CORO2B: variants seen among roughly 807,000 people sequenced by gnomAD.
CORO2B encodes the protein coronin 2B, also known as coronin-2B.
Under a neutral mutation model 58.8 loss-of-function variants are expected in CORO2B, and 26 were observed. The ratio of observed to expected loss-of-function variants is 0.44; its 90% CI spans 0.32 to 0.61. The LOEUF (loss-of-function observed/expected upper bound fraction) is 0.61. CORO2B is among the 20% of genes least tolerant of loss of function. CORO2B has a pLI of 0.04. For missense variants in CORO2B, 460 were observed against 645.1 expected, an observed-to-expected ratio of 0.71 and a Z score of 3.11; for synonymous variants, 242 against 253.8, an observed-to-expected ratio of 0.95 and a Z score of 0.44.
At chr15:68,568,852 A>G in the CORO2B span, among the ~76,000 whole-genome samples, 2 of 152,196 alleles carry the variant, frequency 1.3e-5, no homozygotes, top group Admixed American at 1.3e-4. Context: ...GGAGAGCATC[A>G]GGAAGACTAG....
chr15:68,712,635 T>G lies in CORO2B; in HGVS notation c.648+929T>G, dbSNP rs536840980. ...CACTACAAATAAGAATAATGAGAGT[T>G]GCTTAGCATGATTAGTGTTAACTGA... On this transcript the variant is annotated intron_variant, in intron 5 of 11. Transcript: ENST00000261861. Among the ~76,000 whole-genome samples, 12 of 152,280 alleles carry G rather than the reference T, an allele frequency of 7.9e-5. No homozygotes were observed. The South Asian group carries it at 2.5e-3, about 32-fold the overall frequency.
intron 1 of CORO2B, among the ~76,000 whole-genome samples, chr15:68,599,539 A>G (rs942859320): frequency 6.6e-6 from 1 of 151,874 alleles, no homozygotes; most frequent in African/African-American, 2.4e-5. Flanking sequence ...AAGCCACCCA[A>G]CTCTGTCCCC....
chr15:68,631,709 C>T (rs1305686232), intron 1 of CORO2B, among the ~76,000 whole-genome samples: 1 of 152,172 alleles, frequency 6.6e-6, no homozygotes, highest in Admixed American at 6.5e-5. Flanking sequence ...GGCAGGGTGG[C>T]AGCCAGGAAA....
chr15:68,627,480 A>G lies in CORO2B; in HGVS notation c.16-17680A>G, dbSNP rs183104703. 2.5e-3 allele frequency among the ~76,000 whole-genome samples: 376 copies of G among 152,270 alleles called. 5 individuals carry two copies. Among genetic ancestry groups the G allele is most frequent in the African/African-American group, 8.4e-3 (348 of 41,568 alleles). On this transcript the variant is annotated intron_variant, in intron 1 of 11. Transcript: ENST00000261861. Reference sequence around the variant, plus strand: ...AGAGATGAGTAAAATTCCAGGATGCAGAGAGAAGAGGGCGGGCATCTCTTT... The same window carrying G: ...AGAGATGAGTAAAATTCCAGGATGCGGAGAGAAGAGGGCGGGCATCTCTTT...
intron 1 of CORO2B, among the ~76,000 whole-genome samples, chr15:68,630,336 G>A (rs1376143307): frequency 2.0e-5 from 3 of 152,066 alleles, no homozygotes; most frequent in East Asian, 1.9e-4. Flanking sequence ...CAACTTTTCC[G>A]GCAACTGCAT....
intron 2 of CORO2B, among the ~76,000 whole-genome samples, chr15:68,660,610 A>G (rs1047049027): frequency 6.6e-6 from 1 of 152,092 alleles, no homozygotes; most frequent in African/African-American, 2.4e-5. Context: ...GGCTCAAGCA[A>G]TCCACCCATC....
chr15:68,627,149 T>A (rs1900705378), intron 1 of CORO2B, among the ~76,000 whole-genome samples: 1 of 152,256 alleles, frequency 6.6e-6, no homozygotes, highest in African/African-American at 2.4e-5. Context: ...TCCTATAAGC[T>A]GCTTCTAAAC....
At chr15:68,611,083 G>A (rs1003335004) in intron 1 of CORO2B, among the ~76,000 whole-genome samples, 1 of 152,056 alleles carries the variant, frequency 6.6e-6, no homozygotes, top group African/African-American at 2.4e-5. Flanking sequence ...GAGAAAATGC[G>A]CCCCACCACT....
At chr15:68,650,215 A>G (rs2140277097) in intron 2 of CORO2B, among the ~76,000 whole-genome samples, 1 of 152,192 alleles carries the variant, frequency 6.6e-6, no homozygotes, top group East Asian at 1.9e-4. Flanking sequence ...CTAAAAATAC[A>G]AAATTAGCGG....
intron 2 of CORO2B, among the ~76,000 whole-genome samples, chr15:68,654,511 G>C (rs2046923): frequency 0.32 from 48,136 of 152,118 alleles, 7,854 homozygotes; most frequent in East Asian, 0.46. Context: ...GAAGCATCTG[G>C]CAGTCTGCTT....
the CORO2B span, among the ~76,000 whole-genome samples, chr15:68,554,429 A>G: frequency 2.0e-5 from 3 of 152,172 alleles, no homozygotes; most frequent in Non-Finnish European, 4.4e-5. Flanking sequence ...GAGAACCTCC[A>G]GCTGCCAGAG....
At chr15:68,531,582 AAG>A in the CORO2B span, among the ~76,000 whole-genome samples, 5 of 149,580 alleles carry the variant, frequency 3.3e-5, no homozygotes, top group African/African-American at 7.4e-5. Context: ...AAGAGAAAGA[AAG>A]AGAAAGAAAG....
chr15:68,526,707 T>C, the CORO2B span, among the ~76,000 whole-genome samples: 1 of 152,236 alleles, frequency 6.6e-6, no homozygotes, highest in African/African-American at 2.4e-5. Flanking sequence ...TGTCTTTTCC[T>C]TTACTGAAGA....
intron 1 of CORO2B, among the ~76,000 whole-genome samples, chr15:68,601,313 G>T (rs1899976096): frequency 6.6e-6 from 1 of 152,224 alleles, no homozygotes; most frequent in Non-Finnish European, 1.5e-5. Flanking sequence ...GGGACAGGAT[G>T]GGGTTGGCAG....
chr15:68,596,077 G>A (rs1294210107), intron 1 of CORO2B, among the ~76,000 whole-genome samples: 1 of 152,044 alleles, frequency 6.6e-6, no homozygotes. Context: ...GGTGGGAGTT[G>A]TGCAGGAGTG....
At chr15:68,618,727 C>T (rs998398765) in intron 1 of CORO2B, among the ~76,000 whole-genome samples, 11 of 152,206 alleles carry the variant, frequency 7.2e-5, no homozygotes, top group African/African-American at 2.7e-4. Flanking sequence ...AGTTATGTAA[C>T]TTGCCCAAGG....
At chr15:68,598,703 C>CTCTG (rs1391034497) in intron 1 of CORO2B, among the ~76,000 whole-genome samples, 9 of 152,230 alleles carry the variant, frequency 5.9e-5, no homozygotes, top group African/African-American at 2.2e-4. Context: ...CCTAGCTCTC[C>CTCTG]TCTGTGCCTT....
chr15:68,594,836 C>A (rs897635918), intron 1 of CORO2B, among the ~76,000 whole-genome samples: 1 of 152,202 alleles, frequency 6.6e-6, no homozygotes, highest in Non-Finnish European at 1.5e-5. Context: ...AGCTTTTCAG[C>A]ACATACTTTC....
intron 2 of CORO2B, among the ~76,000 whole-genome samples, chr15:68,684,490 A>T (rs960744191): frequency 6.6e-6 from 1 of 152,142 alleles, no homozygotes; most frequent in Non-Finnish European, 1.5e-5. Flanking sequence ...TGGCACGTAC[A>T]TATGTGTGTG....
Sources: gnomAD v4.1 joint callset for allele counts (sites outside exome capture counted in the v4.1 genomes callset) on GRCh38, gnomAD v4.1.1 for gene constraint, MANE v1.5 for transcripts, NCBI Gene and HGNC (gene_info 2026-07-23, HGNC 2026-07-21) for gene names.